ARHGEF28: variants seen among roughly 807,000 people sequenced by gnomAD.
ARHGEF28 encodes 190 kDa guanine nucleotide exchange factor.
In ARHGEF28, 152 loss-of-function variants were observed where a neutral mutation model predicts 206.6. That is an observed-to-expected ratio of 0.74 (90% CI 0.64 to 0.84). ARHGEF28 has a LOEUF of 0.84. ARHGEF28 is among the 40% of genes least tolerant of loss of function. ARHGEF28 has a pLI of 0.00. For synonymous variants in ARHGEF28, 763 were observed against 776.4 expected (o/e 0.98, Z 0.29); for missense variants, 2,028 against 2,073.2 (o/e 0.98, Z 0.42).
chr5:73,680,354 G>A (rs1283250773), intron 1 of ARHGEF28, among the ~76,000 whole-genome samples: 1 of 131,416 alleles, frequency 7.6e-6, no homozygotes, highest in Non-Finnish European at 1.5e-5. Context: ...AGAATTTCTT[G>A]AACCTGGGAG....
At chr5:73,774,644 G>T (rs2112449239) in intron 5 of ARHGEF28, among the ~76,000 whole-genome samples, 1 of 152,246 alleles carries the variant, frequency 6.6e-6, no homozygotes, top group Admixed American at 6.5e-5. Context: ...AAACTATAAT[G>T]TTCTCTGTGT....
intron 6 of ARHGEF28, chr5:73,780,199 C>T (rs6871548): frequency 0.41 from 63,646 of 154,484 alleles, 13,353 homozygotes; most frequent in Non-Finnish European, 0.45. Flanking sequence ...CCAGCCTGCA[C>T]CAGCGTGTGC....
intron 35 of ARHGEF28, among the ~76,000 whole-genome samples, chr5:73,933,562 A>T (rs1764251099): frequency 6.6e-6 from 1 of 152,254 alleles, no homozygotes; most frequent in South Asian, 2.1e-4. Context: ...TTGGAATAAC[A>T]GAACCCTTTA....
chr5:73,794,292 C>T, intron 7 of ARHGEF28, 110 bp from the exon 8 acceptor site: 1 of 816,666 alleles, frequency 1.2e-6, no homozygotes, highest in Non-Finnish European at 1.9e-6. Context: ...AAAAACCTAT[C>T]TCTGTGCAGA....
intron 2 of ARHGEF28, among the ~76,000 whole-genome samples, chr5:73,738,598 G>C (rs754456733): frequency 6.6e-6 from 1 of 152,008 alleles, no homozygotes; most frequent in African/African-American, 2.4e-5. Context: ...CTGGCCAGAT[G>C]AGAGGGACAA....
intron 2 of ARHGEF28, among the ~76,000 whole-genome samples, chr5:73,703,467 C>T (rs926769142): frequency 2.6e-5 from 4 of 151,884 alleles, no homozygotes; most frequent in African/African-American, 7.3e-5. Context: ...TCAGGAGTCC[C>T]GAGGAAGAGG....
At chr5:73,679,475 G>T (rs138811054) in intron 1 of ARHGEF28, among the ~76,000 whole-genome samples, 1,549 of 151,056 alleles carry the variant, frequency 0.01, 27 homozygotes, top group African/African-American at 0.035. Flanking sequence ...GCTGAGGCAG[G>T]AGAATCATTT....
intron 18 of ARHGEF28, among the ~76,000 whole-genome samples, chr5:73,866,711 C>T (rs1244478816): frequency 6.6e-6 from 1 of 152,088 alleles, no homozygotes; most frequent in East Asian, 1.9e-4. Context: ...TAATTGGTGC[C>T]CTCTGACAGT....
chr5:73,728,622 A>G (rs898026607), intron 2 of ARHGEF28, among the ~76,000 whole-genome samples: 2 of 152,182 alleles, frequency 1.3e-5, no homozygotes, highest in African/African-American at 4.8e-5. Context: ...AGCCACAGAG[A>G]GATGTTGTGG....
intron 9 of ARHGEF28, among the ~76,000 whole-genome samples, chr5:73,832,081 C>T (rs1358646090): frequency 6.6e-6 from 1 of 152,122 alleles, no homozygotes; most frequent in Non-Finnish European, 1.5e-5. Context: ...TTACAAAGGC[C>T]TCTAATGATG....
intron 9 of ARHGEF28, among the ~76,000 whole-genome samples, chr5:73,802,333 ATATTTAC>A (rs1755189937): frequency 1.3e-5 from 2 of 152,192 alleles, no homozygotes; most frequent in African/African-American, 2.4e-5. Flanking sequence ...GAGTGGGTTG[ATATTTAC>A]ACTGATGTCT....
chr5:73,910,040 A>G (rs1180690273), intron 34 of ARHGEF28, 143 bp downstream of exon 34: 2 of 1,277,518 alleles, frequency 1.6e-6, no homozygotes, highest in East Asian at 5.6e-5. Context: ...TAGGTAGCCA[A>G]AGCTGGAAGC....
At chr5:73,658,101 T>C (rs1439820317) in intron 1 of ARHGEF28, among the ~76,000 whole-genome samples, 1 of 151,996 alleles carries the variant, frequency 6.6e-6, no homozygotes, top group African/African-American at 2.4e-5. Context: ...TCTCATGTTA[T>C]TCAATCCATT....
intron 24 of ARHGEF28, among the ~76,000 whole-genome samples, chr5:73,885,301 C>T (rs1461876261): frequency 1.3e-5 from 2 of 152,092 alleles, no homozygotes; most frequent in Non-Finnish European, 2.9e-5. Flanking sequence ...GTATATAACA[C>T]ATTTCCTGCC....
At chr5:73,642,808 A>G (rs1045298154) in intron 1 of ARHGEF28, among the ~76,000 whole-genome samples, 3 of 152,194 alleles carry the variant, frequency 2.0e-5, no homozygotes, top group African/African-American at 7.2e-5. Flanking sequence ...GGTTTTTACT[A>G]TCATCATGCT....
intron 10 of ARHGEF28, among the ~76,000 whole-genome samples, chr5:73,833,636 G>T (rs970183858): frequency 3.9e-5 from 6 of 152,114 alleles, no homozygotes; most frequent in Admixed American, 2.0e-4. Flanking sequence ...TCAAGACACA[G>T]GATGTGTTAG....
chr5:73,874,640 T>C (rs1313653376), intron 22 of ARHGEF28, among the ~76,000 whole-genome samples: 1 of 145,600 alleles, frequency 6.9e-6, no homozygotes, highest in Non-Finnish European at 1.5e-5. Context: ...TATTGTTCAA[T>C]TCCCATCTAT....
At chr5:73,841,712 G>GAAAAAAAAAAAAAAAAGAGAAAAAAAAA (rs1757999951) in intron 11 of ARHGEF28, among the ~76,000 whole-genome samples, 1 of 110,828 alleles carries the variant, frequency 9.0e-6, no homozygotes, top group Non-Finnish European at 1.8e-5. Flanking sequence ...TCAAAAAGAA[G>GAAAAAAAAAAAAAAAAGAGAAAAAAAAA]AAAAAAAAAA....
intron 2 of ARHGEF28, among the ~76,000 whole-genome samples, chr5:73,723,736 A>T (rs184581879): frequency 2.0e-5 from 3 of 152,324 alleles, no homozygotes; most frequent in African/African-American, 7.2e-5. Context: ...CACCTCTCAG[A>T]CATATTTTTC....
Sources: allele counts gnomAD v4.1 joint callset (sites outside exome capture counted in the v4.1 genomes callset), GRCh38; gene constraint gnomAD v4.1.1; transcripts MANE v1.5; gene names NCBI Gene and HGNC (gene_info 2026-07-23, HGNC 2026-07-21).